Variants in GAREM1 observed in about 807,000 individuals in gnomAD.
The protein encoded by GAREM1 is GRB2 associated regulator of MAPK1 subtype 1, also known as GRB2-associated and regulator of MAPK protein 1.
In GAREM1, 26 loss-of-function variants were observed where a neutral mutation model predicts 71.3. The ratio of observed to expected loss-of-function variants is 0.36; its 90% CI spans 0.27 to 0.51. The LOEUF (loss-of-function observed/expected upper bound fraction) is 0.51. Among genes scored for constraint, GAREM1 ranks in the 20% least tolerant of loss-of-function variants. The probability of loss-of-function intolerance (pLI) is 0.95; values close to 1 mark genes in which losing one functional copy is unlikely to be tolerated. For missense variants in GAREM1, 1,026 were observed against 1,103.1 expected (o/e 0.93, Z 0.99); for synonymous variants, 440 against 433.2 (o/e 1.02, Z -0.20).
At chr18:32,378,057 T>TGTGTGTGTGTGTGTGTGTGC (rs1293817110) in intron 2 of GAREM1, among the ~76,000 whole-genome samples, 38 of 127,616 alleles carry the variant, frequency 3.0e-4, no homozygotes, top group African/African-American at 1.1e-3. Flanking sequence ...TGTGTGTGTG[T>TGTGTGTGTGTGTGTGTGTGC]GCGCGCGGGC....
At chr18:32,348,540 A>G (rs1451460746) in intron 2 of GAREM1, among the ~76,000 whole-genome samples, 2 of 152,166 alleles carry the variant, frequency 1.3e-5, no homozygotes, top group Non-Finnish European at 2.9e-5. Context: ...CCTGGCCAAC[A>G]TGGTGAAACG....
At chr18:32,327,455 A>G (rs1471038351) in intron 2 of GAREM1, among the ~76,000 whole-genome samples, 5 of 152,252 alleles carry the variant, frequency 3.3e-5, no homozygotes, top group African/African-American at 4.8e-5. Context: ...ACAAAAGACT[A>G]TACACAGAAA....
At chr18:32,397,621 C>A (rs1413925265) in intron 1 of GAREM1, among the ~76,000 whole-genome samples, 1 of 152,164 alleles carries the variant, frequency 6.6e-6, no homozygotes, top group Non-Finnish European at 1.5e-5. Context: ...AATATATATG[C>A]ACCCAATACA....
intron 2 of GAREM1, among the ~76,000 whole-genome samples, chr18:32,334,749 A>T (rs979958841): frequency 1.3e-5 from 2 of 152,186 alleles, no homozygotes; most frequent in Admixed American, 6.5e-5. Flanking sequence ...CTCTTGAGCT[A>T]AACACAGAAA....
At chr18:32,453,122 C>T (rs571090364) in intron 1 of GAREM1, among the ~76,000 whole-genome samples, 14 of 152,076 alleles carry the variant, frequency 9.2e-5, no homozygotes, top group South Asian at 8.3e-4. Flanking sequence ...GTGAAAGGCA[C>T]GTCTTACGCG....
intron 2 of GAREM1, among the ~76,000 whole-genome samples, chr18:32,391,728 T>C (rs1320179604): frequency 6.6e-6 from 1 of 152,192 alleles, no homozygotes; most frequent in African/African-American, 2.4e-5. Flanking sequence ...ACAGATGTAA[T>C]GCTTTCTACA....
chr18:32,419,684 G>C (rs564904263), intron 1 of GAREM1, among the ~76,000 whole-genome samples: 1 of 148,356 alleles, frequency 6.7e-6, no homozygotes, highest in South Asian at 2.1e-4. Flanking sequence ...AATTACATCT[G>C]TAAAATTTAA....
At chr18:32,407,867 G>A (rs2048379140) in intron 1 of GAREM1, among the ~76,000 whole-genome samples, 1 of 151,996 alleles carries the variant, frequency 6.6e-6, no homozygotes, top group Non-Finnish European at 1.5e-5. Context: ...AGTCCAAGCT[G>A]AAATTGACGC....
chr18:32,345,851 G>C (rs546644990), intron 2 of GAREM1, among the ~76,000 whole-genome samples: 1 of 152,248 alleles, frequency 6.6e-6, no homozygotes, highest in Admixed American at 6.5e-5. Flanking sequence ...CATCTTGACG[G>C]TCTAAACAGT....
chr18:32,387,590 G>T (rs185621510), intron 2 of GAREM1, among the ~76,000 whole-genome samples: 2 of 152,122 alleles, frequency 1.3e-5, no homozygotes, highest in Non-Finnish European at 2.9e-5. Context: ...AGCAAAATAC[G>T]TGATGTTGAC....
chr18:32,287,247 T>G lies in GAREM1; in HGVS notation c.1350A>C (p.Glu450Asp), dbSNP rs774599820. 1.2e-6 allele frequency: 2 copies of G among 1,614,078 alleles called. No individual in the cohort carries two copies. Among genetic ancestry groups the G allele is most frequent in the South Asian group, 2.2e-5 (2 of 91,086 alleles). Reference protein sequence around the residue: ...EESAGIPGKSELPYEELWLEE... With the variant: ...EESAGIPGKSDLPYEELWLEE... The stretch of plus-strand genomic sequence containing the variant: ...CCAGCCACAGCTCTTCGTAGGGAAG[T>G]TCTGACTTTCCCGGGATGCCTGCTG... Residue 450 changes from glutamate to aspartate, a missense_variant, in exon 4 of 6, where the codon GAA (glutamate) becomes GAC (aspartate). Glu to Asp is a conservative substitution (Grantham distance 45). Around this residue, in one of 3 missense-constraint regions of GAREM1, gnomAD observed 636 missense variants for 631.2 expected, o/e 1.01. Coordinates refer to ENST00000269209, the MANE Select transcript of GAREM1 (RefSeq NM_001242409.2). This position sits in a 1 kb window ranked among gnomAD's most constrained non-coding sequence, Gnocchi z 5.9.
At chr18:32,430,091 C>T (rs536641018) in intron 1 of GAREM1, among the ~76,000 whole-genome samples, 8 of 152,172 alleles carry the variant, frequency 5.3e-5, no homozygotes, top group South Asian at 2.1e-4. Context: ...GGGATCAAAG[C>T]GAGGGGTGGT....
chr18:32,402,605 A>C (rs773624316), intron 1 of GAREM1, among the ~76,000 whole-genome samples: 14 of 152,036 alleles, frequency 9.2e-5, no homozygotes, highest in Non-Finnish European at 1.8e-4. Flanking sequence ...GGAGCTATCG[A>C]GGCTCCACCC....
At chr18:32,411,211 A>C (rs2048412961) in intron 1 of GAREM1, among the ~76,000 whole-genome samples, 1 of 152,232 alleles carries the variant, frequency 6.6e-6, no homozygotes, top group Non-Finnish European at 1.5e-5. Flanking sequence ...AGGTGCAATG[A>C]CTTGAACTTT....
At chr18:32,385,440 A>AC (rs1004212402) in intron 2 of GAREM1, among the ~76,000 whole-genome samples, 3 of 150,736 alleles carry the variant, frequency 2.0e-5, no homozygotes, top group African/African-American at 4.9e-5. Flanking sequence ...TGATCTGATC[A>AC]CCCCCCTAGG....
chr18:32,292,651 G>A (rs762675167), intron 3 of GAREM1, among the ~76,000 whole-genome samples: 3 of 152,296 alleles, frequency 2.0e-5, no homozygotes, highest in South Asian at 2.1e-4. Context: ...TTCCCACATT[G>A]CTGGGCACTC....
chr18:32,289,223 T>C (rs2144472503), intron 3 of GAREM1, among the ~76,000 whole-genome samples: 1 of 152,274 alleles, frequency 6.6e-6, no homozygotes, highest in Admixed American at 6.5e-5. Context: ...AGACTACAGG[T>C]GTGAGCCACC....
intron 2 of GAREM1, among the ~76,000 whole-genome samples, chr18:32,337,828 G>A (rs1041397136): frequency 6.6e-6 from 1 of 152,116 alleles, no homozygotes; most frequent in African/African-American, 2.4e-5. Flanking sequence ...TCATCGCCCG[G>A]AGAACTCAGC....
At chr18:32,400,464 A>G (rs181318126) in intron 1 of GAREM1, among the ~76,000 whole-genome samples, 4 of 152,360 alleles carry the variant, frequency 2.6e-5, no homozygotes, top group African/African-American at 9.6e-5. Context: ...AAAGAACTCA[A>G]ACAAATTTAC....
Sources: allele counts gnomAD v4.1 joint callset (sites outside exome capture counted in the v4.1 genomes callset), GRCh38; gene constraint gnomAD v4.1.1; regional missense constraint gnomAD v4.1.1; non-coding constraint Gnocchi (gnomAD v3.1); transcripts MANE v1.5; gene names NCBI Gene and HGNC (gene_info 2026-07-23, HGNC 2026-07-21).